Variants in CSF2RA observed in about 807,000 individuals in gnomAD.
The protein encoded by CSF2RA is granulocyte-macrophage colony-stimulating factor receptor subunit alpha.
Under a neutral mutation model 51.6 loss-of-function variants are expected in CSF2RA, and 42 were observed. The observed-to-expected ratio is 0.81, with a 90% CI of 0.64 to 1.05. The LOEUF is 1.05. CSF2RA is among the 50% of genes least tolerant of loss of function. The probability of loss-of-function intolerance (pLI) is 0.00; values close to 1 mark genes in which losing one functional copy is unlikely to be tolerated. For synonymous variants in CSF2RA, 222 were observed against 193.0 expected (o/e 1.15, Z -1.24); for missense variants, 530 against 501.1 (o/e 1.06, Z -0.55).
the CSF2RA span, among the ~76,000 whole-genome samples, chrX:1,318,388 T>C: frequency 0.23 from 34,192 of 150,840 alleles, 5,868 homozygotes; most frequent in East Asian, 0.67. Flanking sequence ...GTCTTGAACT[T>C]TCTACCTCAC....
At chrX:1,316,478 G>A in the CSF2RA span, among the ~76,000 whole-genome samples, 1 of 152,130 alleles carries the variant, frequency 6.6e-6, no homozygotes, top group South Asian at 2.1e-4. Flanking sequence ...GGCCATTCCA[G>A]GACCTGAGGT....
chrX:1,299,795 G>A (rs1421824458), intron 9 of CSF2RA, among the ~76,000 whole-genome samples: 1 of 152,092 alleles, frequency 6.6e-6, no homozygotes, highest in African/African-American at 2.4e-5. Flanking sequence ...GCGGGCGCCT[G>A]TAATCCCAGC....
rs1423157489 is a variant in CSF2RA at position 1,300,383 on chromosome X, G to GA, written c.811-101dup. On this transcript the variant is annotated intron_variant, in intron 9 of 12. Coordinates refer to ENST00000381529, the MANE Select transcript of CSF2RA (RefSeq NM_172245.4). ...AGTGGTAGAAAAAAAAGAAGAAAAA[G>GA]AAAAAAAGAAAAGGAGAAAAAAACT... 6 of 1,370,832 alleles carry GA rather than the reference G, an allele frequency of 4.4e-6. No individual in the cohort carries two copies. In the African/African-American group the frequency reaches 8.8e-5, roughly 20 times the overall value. The allele number at this position is 1,370,832 out of a possible 1,614,324, so 84.9% of individuals were successfully genotyped here.
At chrX:1,318,656 G>T in the CSF2RA span, among the ~76,000 whole-genome samples, 926 of 150,628 alleles carry the variant, frequency 6.1e-3, 8 homozygotes, top group African/African-American at 0.021. Context: ...GGTGGCTCAC[G>T]CCTGTAATCC....
At chrX:1,314,326 ACCTGCCCAACCCCACTGCG>A (rs1260975206), downstream of CSF2RA, among the ~76,000 whole-genome samples, 4 of 124,204 alleles carry the variant, frequency 3.2e-5, no homozygotes, top group East Asian at 5.5e-4. Context: ...ACCACACTGC[ACCTGCCCAACCCCACTGCG>A]CCTGCCCAAC....
intron 12 of CSF2RA, chrX:1,305,787 G>C: frequency 6.4e-7 from 1 of 1,550,818 alleles, no homozygotes; most frequent in Non-Finnish European, 8.7e-7. Flanking sequence ...AGGAGGAGAA[G>C]ACGGTAGAGA....
intron 10 of CSF2RA, 120 bp from the exon 11 acceptor site, chrX:1,303,803 C>G: frequency 3.3e-6 from 3 of 914,478 alleles, no homozygotes; most frequent in Non-Finnish European, 5.5e-6. Flanking sequence ...TTTGCTGGGC[C>G]CAGTTCTCAG....
chrX:1,301,401 C>G (rs776246640), intron 10 of CSF2RA, among the ~76,000 whole-genome samples: 1 of 143,342 alleles, frequency 7.0e-6, no homozygotes, highest in Non-Finnish European at 1.5e-5. Flanking sequence ...GGTCATGCAA[C>G]ATTGCTTTGC....
rs1217407900 is a variant in CSF2RA, at chrX:1,301,355, GAAAA to G, written c.946+731_946+734del. ...TCAAAAAAAAAAAAAAAAAAAAAAA[GAAAA>G]AGTAGAAGGAGGTGGTCTCATACTC... is the stretch of plus-strand genomic sequence containing the variant. On this transcript the variant is annotated intron_variant, in intron 10 of 12. Transcript: ENST00000381529. 1.9e-3 allele frequency among the ~76,000 whole-genome samples: 188 copies of G among 97,458 alleles called. 3 individuals are homozygous for G. The highest frequency in any genetic ancestry group is 7.3e-3 in the African/African-American group (183 of 25,170). 63.9% of individuals were successfully genotyped at this position (97,458 alleles called of 152,430 possible).
At chrX:1,310,847 G>A (rs1162387697), downstream of CSF2RA, among the ~76,000 whole-genome samples, 1 of 152,036 alleles carries the variant, frequency 6.6e-6, no homozygotes, top group Admixed American at 6.6e-5. Flanking sequence ...CCTGGCAGGA[G>A]GTGTTTGAAT....
intron 2 of CSF2RA, among the ~76,000 whole-genome samples, chrX:1,280,097 G>A (rs1358875150): frequency 2.6e-5 from 4 of 151,994 alleles, no homozygotes; most frequent in African/African-American, 4.8e-5. Flanking sequence ...GCCGAGAGAC[G>A]CAATCTTTCA....
Position 1,288,781 on chromosome X carries a change from G to C in CSF2RA, c.366G>C (p.Gln122His), listed in dbSNP as rs769068799. Residue 122 changes from glutamine to histidine, a missense_variant, in exon 6 of 13, where the codon CAG (glutamine) becomes CAC (histidine). By Grantham distance (24) the Gln-to-His change is conservative (BLOSUM62 0). Coordinates refer to ENST00000381529, the MANE Select transcript of CSF2RA (RefSeq NM_172245.4). Reference sequence around the variant, plus strand: ...CAGGAAGGGAGGGTACCGCTGCTCAGAATTTCTCCTGTTTCATCTACAATG... The same window carrying C: ...CAGGAAGGGAGGGTACCGCTGCTCACAATTTCTCCTGTTTCATCTACAATG... The part of the protein sequence containing the change: ...PNSGREGTAA[Q>H]NFSCFIYNAD... 56 of 1,613,784 alleles carry C rather than the reference G, an allele frequency of 3.5e-5. No individual in the cohort carries two copies. Among genetic ancestry groups the C allele is most frequent in the Middle Eastern group, 3.3e-4 (2 of 6,076 alleles).
chrX:1,277,593 CAAAAAAAAAAAA>C (rs749833246), intron 2 of CSF2RA, among the ~76,000 whole-genome samples: 1 of 70,436 alleles, frequency 1.4e-5, no homozygotes, highest in East Asian at 5.1e-4. Context: ...AAGTCCATCT[CAAAAAAAAAAAA>C]AAAAAAAAAA....
chrX:1,318,251 C>T, the CSF2RA span, among the ~76,000 whole-genome samples: 1 of 151,668 alleles, frequency 6.6e-6, no homozygotes, highest in Non-Finnish European at 1.5e-5. Context: ...GCTACCTCTG[C>T]TTCCCGGGTT....
the CSF2RA span, among the ~76,000 whole-genome samples, chrX:1,316,985 C>G: frequency 6.6e-6 from 1 of 152,124 alleles, no homozygotes; most frequent in Admixed American, 6.6e-5. Flanking sequence ...CTCACTCTGT[C>G]GCCCAGGCTG....
the CSF2RA span, among the ~76,000 whole-genome samples, chrX:1,323,284 C>CAACAA: frequency 6.6e-6 from 1 of 151,606 alleles, no homozygotes; most frequent in African/African-American, 2.4e-5. Flanking sequence ...GAGGCCGAGG[C>CAACAA]GGGCGGATCA....
the CSF2RA span, among the ~76,000 whole-genome samples, chrX:1,315,631 C>T: frequency 1.3e-5 from 2 of 152,172 alleles, no homozygotes; most frequent in Admixed American, 1.3e-4. Flanking sequence ...TCTCGAACTC[C>T]TGACCTCAAG....
chrX:1,317,924 G>A, the CSF2RA span, among the ~76,000 whole-genome samples: 3 of 151,132 alleles, frequency 2.0e-5, no homozygotes, highest in Admixed American at 2.0e-4. Context: ...CTCCCACCTC[G>A]GCCTCCTTAG....
At chrX:1,278,502 C>T (rs2089489250) in intron 2 of CSF2RA, among the ~76,000 whole-genome samples, 2 of 145,276 alleles carry the variant, frequency 1.4e-5, no homozygotes, top group South Asian at 4.4e-4. Flanking sequence ...GCCTCGCCAA[C>T]ATGGTGAAAC....
Sources: gnomAD v4.1 joint callset for allele counts (sites outside exome capture counted in the v4.1 genomes callset) on GRCh38, gnomAD v4.1.1 for gene constraint, MANE v1.5 for transcripts, NCBI Gene and HGNC (gene_info 2026-07-23, HGNC 2026-07-21) for gene names.